The following MAP2 variants were observed in gnomAD, a reference collection of about 807,000 sequenced individuals.
MAP2 encodes the protein microtubule associated protein 2.
A neutral mutation model predicts 137.6 loss-of-function variants in MAP2; 14 were observed. That is an observed-to-expected ratio of 0.10 (90% CI 0.07 to 0.16). MAP2 has a LOEUF of 0.16. MAP2 is among the 10% of genes least tolerant of loss of function. The probability of loss-of-function intolerance (pLI) is 1.00; values close to 1 mark genes in which losing one functional copy is unlikely to be tolerated. For synonymous variants in MAP2, 786 were observed against 782.3 expected, an observed-to-expected ratio of 1.00 and a Z score of -0.08; for missense variants, 2,088 against 2,191.5, an observed-to-expected ratio of 0.95 and a Z score of 0.94.
chr2:209,652,392 A>C (rs897927649), intron 4 of MAP2, among the ~76,000 whole-genome samples: 1 of 152,212 alleles, frequency 6.6e-6, no homozygotes, highest in Non-Finnish European at 1.5e-5. Context: ...GATTTACATT[A>C]ATAGAAAATG....
chr2:209,448,252 A>G (rs942515712), intron 1 of MAP2, among the ~76,000 whole-genome samples: 6 of 152,134 alleles, frequency 3.9e-5, no homozygotes, highest in African/African-American at 1.4e-4. Flanking sequence ...AATTGCTCTC[A>G]TATAATCACT....
chr2:209,694,338 A>T lies in MAP2; in HGVS notation c.2168A>T (p.Asp723Val). Residue 723 changes from aspartate to valine, a missense_variant, in exon 8 of 16, where the codon GAT (aspartate) becomes GTT (valine). Around this residue, in one of 6 missense-constraint regions of MAP2, gnomAD observed 500 missense variants for 482.9 expected, o/e 1.04. Coordinates refer to ENST00000682079, the MANE Select transcript of MAP2 (RefSeq NM_001375505.1). ...ALGFNFGRGH[D>V]LSPLASDILT... ...GGATTTAACTTTGGTCGGGGACATGATCTTTCTCCTCTGGCTTCCGATATT... is the reference window on the plus strand; with the variant it reads ...GGATTTAACTTTGGTCGGGGACATGTTCTTTCTCCTCTGGCTTCCGATATT... 6.2e-7 allele frequency: 1 copy of T among 1,614,126 alleles called. No individual in the cohort carries two copies. Among genetic ancestry groups the T allele is most frequent in the Non-Finnish European group, 8.5e-7 (1 of 1,180,020 alleles).
At chr2:209,557,603 G>A (rs927292589) in intron 2 of MAP2, among the ~76,000 whole-genome samples, 1 of 152,214 alleles carries the variant, frequency 6.6e-6, no homozygotes, top group African/African-American at 2.4e-5. Context: ...TACCAGAATA[G>A]TCTGTAAAAT....
chr2:209,654,250 T>C (rs570057741), intron 5 of MAP2, among the ~76,000 whole-genome samples: 59 of 152,228 alleles, frequency 3.9e-4, no homozygotes, highest in Non-Finnish European at 5.1e-4. Context: ...CAACATTACA[T>C]TACACTATAT....
Position 209,700,282 on chromosome 2 carries a change from G to A in MAP2, c.4528G>A (p.Gly1510Ser). Residue 1510 changes from glycine to serine, a missense_variant, in exon 11 of 16, where the codon GGT becomes AGT. Around this residue, in one of 6 missense-constraint regions of MAP2, gnomAD observed 591 missense variants for 642.6 expected, o/e 0.92. Coordinates refer to ENST00000682079, the MANE Select transcript of MAP2 (RefSeq NM_001375505.1). ...TTGTCTTTTATTTTCAACAGCAGCA[G>A]GTGGGGAATCAGCTCTGGCTCCCAG... ...SCVKRKTTAA[G>S]GESALAPSVF... 1 of 1,613,166 alleles carries A rather than the reference G, an allele frequency of 6.2e-7. No individual in the cohort carries two copies. The highest frequency in any genetic ancestry group is 8.5e-7 in the Non-Finnish European group (1 of 1,179,372).
intron 3 of MAP2, among the ~76,000 whole-genome samples, chr2:209,599,027 A>T (rs1435166060): frequency 4.6e-5 from 7 of 152,062 alleles, no homozygotes; most frequent in Non-Finnish European, 1.0e-4. Context: ...CTCCACACTG[A>T]CTTCCACAAT....
At chr2:209,546,051 G>A (rs2067992154) in intron 2 of MAP2, among the ~76,000 whole-genome samples, 1 of 152,192 alleles carries the variant, frequency 6.6e-6, no homozygotes, top group African/African-American at 2.4e-5. Context: ...GCTGAGGCAG[G>A]AGAATGGCGT....
Position 209,693,479 on chromosome 2 carries a change from G to A in MAP2, c.1309G>A (p.Glu437Lys). The change falls in exon 8 of 16, where the codon GAA becomes AAA. Residue 437 changes from glutamate (E) to lysine (K), a missense_variant. Glu to Lys is a moderately conservative substitution (Grantham distance 56). Transcript: ENST00000682079. ...TPSGQEPILT[E>K]KETELKLEEK... Reference sequence around the variant, plus strand: ...CAGTGGACAGGAACCTATACTTACTGAAAAGGAAACTGAGCTGAAGCTTGA... The same window carrying A: ...CAGTGGACAGGAACCTATACTTACTAAAAAGGAAACTGAGCTGAAGCTTGA... 6.2e-7 allele frequency: 1 copy of A among 1,613,676 alleles called. No individual in the cohort carries two copies. Among genetic ancestry groups the A allele is most frequent in the South Asian group, 1.1e-5 (1 of 90,970 alleles).
intron 3 of MAP2, among the ~76,000 whole-genome samples, chr2:209,612,856 T>C (rs2087463082): frequency 6.6e-6 from 1 of 152,158 alleles, no homozygotes; most frequent in African/African-American, 2.4e-5. Context: ...ATAACTTCCT[T>C]TGGATAGTTA....
intron 3 of MAP2, among the ~76,000 whole-genome samples, chr2:209,583,902 T>C (rs1191472226): frequency 6.6e-6 from 1 of 151,850 alleles, no homozygotes; most frequent in East Asian, 1.9e-4. Flanking sequence ...TACTCAATAG[T>C]TCATTTTCAA....
At chr2:209,724,269 C>T (rs1212033854) in intron 13 of MAP2, among the ~76,000 whole-genome samples, 1 of 151,896 alleles carries the variant, frequency 6.6e-6, no homozygotes, top group Non-Finnish European at 1.5e-5. Flanking sequence ...TTTTTCCTGT[C>T]TCTTTCATTT....
intron 3 of MAP2, among the ~76,000 whole-genome samples, chr2:209,583,221 G>C (rs926758673): frequency 8.1e-5 from 12 of 147,560 alleles, no homozygotes; most frequent in African/African-American, 2.9e-4. Context: ...TATGGTAGAA[G>C]TGAATATGTC....
intron 3 of MAP2, among the ~76,000 whole-genome samples, chr2:209,614,829 C>T (rs949798036): frequency 3.9e-5 from 6 of 152,138 alleles, no homozygotes; most frequent in Admixed American, 2.0e-4. Context: ...GCCTCTTGAA[C>T]AACATGCAGC....
intron 1 of MAP2, among the ~76,000 whole-genome samples, chr2:209,502,011 GATAT>G (rs34921243): frequency 2.0e-5 from 3 of 151,350 alleles, no homozygotes; most frequent in African/African-American, 7.3e-5. Context: ...AACATGTTTT[GATAT>G]ATATATATAC....
chr2:209,540,626 G>T (rs1168887015), intron 2 of MAP2, among the ~76,000 whole-genome samples: 1 of 30,030 alleles, frequency 3.3e-5, no homozygotes, highest in Non-Finnish European at 5.0e-5. Context: ...GTGAGACTCC[G>T]TCTCAAAAAA....
chr2:209,590,156 C>T (rs1206533845), intron 3 of MAP2, among the ~76,000 whole-genome samples: 2 of 152,070 alleles, frequency 1.3e-5, no homozygotes, highest in Non-Finnish European at 2.9e-5. Context: ...ACCAGGGATA[C>T]TGAAGTGTGT....
chr2:209,485,544 T>G (rs748260433), intron 1 of MAP2, among the ~76,000 whole-genome samples: 15 of 152,194 alleles, frequency 9.9e-5, no homozygotes, highest in Non-Finnish European at 1.9e-4. Context: ...CAATTGAGGA[T>G]AGCCCATAAC....
intron 3 of MAP2, among the ~76,000 whole-genome samples, chr2:209,588,025 A>ATGT (rs1205382991): frequency 6.6e-6 from 1 of 152,188 alleles, no homozygotes; most frequent in Non-Finnish European, 1.5e-5. Context: ...GTTAACAGGC[A>ATGT]CCTTTGCACT....
At chr2:209,447,358 ATATCTTCTAAAC>A (rs1270662927) in intron 1 of MAP2, among the ~76,000 whole-genome samples, 1 of 151,966 alleles carries the variant, frequency 6.6e-6, no homozygotes, top group Non-Finnish European at 1.5e-5. Context: ...TTTGCTAGCC[ATATCTTCTAAAC>A]TACCTGTTGT....
Sources: gnomAD v4.1 joint callset for allele counts (sites outside exome capture counted in the v4.1 genomes callset) on GRCh38, gnomAD v4.1.1 for gene constraint, gnomAD v4.1.1 regional missense constraint, MANE v1.5 for transcripts, NCBI Gene and HGNC (gene_info 2026-07-23, HGNC 2026-07-21) for gene names.